SMG1: variants seen among roughly 807,000 people sequenced by gnomAD.
The protein encoded by SMG1 is serine/threonine-protein kinase SMG1.
SMG1 carries 22 observed loss-of-function variants against 419.9 expected under a neutral mutation model. That is an observed-to-expected ratio of 0.05 (90% CI 0.04 to 0.07). The LOEUF (loss-of-function observed/expected upper bound fraction) is 0.07, where lower values mean the gene tolerates loss of function less well. SMG1 is among the 10% of genes least tolerant of loss of function. The probability of loss-of-function intolerance (pLI) is 1.00; values close to 1 mark genes in which losing one functional copy is unlikely to be tolerated. For synonymous variants in SMG1, 1,538 were observed against 1,553.5 expected (o/e 0.99, Z 0.23); for missense variants, 3,185 against 4,342.0 (o/e 0.73, Z 7.49).
chr16:18,819,462 T>C (rs758938298), intron 56 of SMG1, 40 bp downstream of exon 56: 106 of 1,594,224 alleles, frequency 6.6e-5, no homozygotes, highest in Non-Finnish European at 8.3e-5. Flanking sequence ...TCTAATCCTG[T>C]AAAAGTGAAT....
chr16:18,836,544 G>T lies in SMG1; in HGVS notation c.7605-12C>A. The T allele has an allele frequency of 6.2e-7, 1 of 1,609,754 alleles. No homozygotes were observed. Among genetic ancestry groups the T allele is most frequent in the South Asian group, 1.1e-5 (1 of 90,238 alleles). On this transcript the variant is annotated splice_polypyrimidine_tract_variant and intron_variant, in intron 46 of 62. Coordinates refer to ENST00000446231, the MANE Select transcript of SMG1 (RefSeq NM_015092.5). ...TGTGCTCAGAATACCTAATCAGGGG[G>T]ACACAAACAAAATCAAAAGATTTAT...
At chr16:18,888,011 C>T (rs901058482) in intron 6 of SMG1, among the ~76,000 whole-genome samples, 5 of 150,870 alleles carry the variant, frequency 3.3e-5, no homozygotes, top group Non-Finnish European at 5.9e-5. Context: ...ATCAAAAATA[C>T]AAAACTTAGC....
chr16:18,840,744 C>T (rs747394523), intron 41 of SMG1, among the ~76,000 whole-genome samples: 1 of 152,010 alleles, frequency 6.6e-6, no homozygotes, highest in African/African-American at 2.4e-5. Context: ...GGTTTTAAAG[C>T]GATTATTTAC....
chr16:18,885,439 T>G, intron 7 of SMG1, 102 bp downstream of exon 7: 1 of 1,419,010 alleles, frequency 7.0e-7, no homozygotes, highest in South Asian at 1.2e-5. Flanking sequence ...CTGATTATAT[T>G]CAAAGGAGCT....
At chr16:18,815,819 T>C (rs1024582116) in intron 58 of SMG1, 168 bp from the exon 59 acceptor site, 8 of 592,364 alleles carry the variant, frequency 1.4e-5, no homozygotes, top group Non-Finnish European at 2.3e-5. Flanking sequence ...CAAATAAAAA[T>C]TCAAAGTAAA....
intron 1 of SMG1, among the ~76,000 whole-genome samples, chr16:18,900,884 T>C (rs1488694947): frequency 1.3e-5 from 2 of 152,210 alleles, no homozygotes; most frequent in Non-Finnish European, 2.9e-5. Context: ...TAATGCCTCT[T>C]ACCTGGATTC....
intron 1 of SMG1, among the ~76,000 whole-genome samples, chr16:18,914,943 T>A (rs1045767208): frequency 1.3e-4 from 16 of 124,356 alleles, no homozygotes; most frequent in East Asian, 6.1e-4. Context: ...ATTACCATAT[T>A]TTTTTTTTTT....
chr16:18,859,764 T>A, intron 26 of SMG1, 61 bp from the exon 27 acceptor site: 1 of 1,401,266 alleles, frequency 7.1e-7, no homozygotes, highest in Non-Finnish European at 9.7e-7. Context: ...TTTTGATTTA[T>A]GTTTGGCATT....
intron 62 of SMG1, among the ~76,000 whole-genome samples, chr16:18,810,365 G>A (rs746028678): frequency 1.6e-4 from 25 of 152,178 alleles, no homozygotes; most frequent in Non-Finnish European, 3.1e-4. Context: ...GGCACATTCT[G>A]TAAACCAACT....
rs189611295 is a variant in SMG1, at chr16:18,870,446, C to A, written c.2492+164G>T. On this transcript the variant is annotated intron_variant, in intron 18 of 62. Coordinates refer to ENST00000446231, the MANE Select transcript of SMG1 (RefSeq NM_015092.5). Reference sequence around the variant, plus strand: ...TAAAAATTTTTAATTTTCTTGCAGACCTGCAAAATTCGATTATTTGACATC... The same window carrying A: ...TAAAAATTTTTAATTTTCTTGCAGAACTGCAAAATTCGATTATTTGACATC... Among the ~76,000 whole-genome samples, 189 of 152,268 alleles carry A rather than the reference C, an allele frequency of 1.2e-3. 2 individuals are homozygous for A. Among genetic ancestry groups the A allele is most frequent in the Non-Finnish European group, 1.5e-4 (10 of 68,026 alleles).
At chr16:18,920,688 T>A (rs914523481) in intron 1 of SMG1, among the ~76,000 whole-genome samples, 1 of 150,518 alleles carries the variant, frequency 6.6e-6, no homozygotes, top group African/African-American at 2.4e-5. Context: ...CAAAAAAAAA[T>A]AAAGTAGCTG....
chr16:18,893,016 G>T (rs568718297), intron 3 of SMG1, among the ~76,000 whole-genome samples: 2 of 152,286 alleles, frequency 1.3e-5, no homozygotes, highest in South Asian at 4.1e-4. Flanking sequence ...CAGGTAAAGA[G>T]CCCGGGTGTA....
At chr16:18,881,858 C>A (rs1011681388) in intron 10 of SMG1, among the ~76,000 whole-genome samples, 5 of 151,606 alleles carry the variant, frequency 3.3e-5, no homozygotes, top group African/African-American at 1.2e-4. Flanking sequence ...AAAAGGAAAC[C>A]CAATAATTTA....
chr16:18,904,688 G>C (rs917440066), intron 1 of SMG1, among the ~76,000 whole-genome samples: 9 of 152,060 alleles, frequency 5.9e-5, no homozygotes, highest in African/African-American at 2.2e-4. Context: ...TGTAATCCCA[G>C]CACTTTGGGA....
chr16:18,816,291 A>C lies in SMG1; in HGVS notation c.10302+11T>G. 6.2e-7 allele frequency: 1 copy of C among 1,603,678 alleles called. No homozygotes were observed. The highest frequency in any genetic ancestry group is 8.5e-7 in the Non-Finnish European group (1 of 1,171,372). ...GGGAGAGTAAATGTGTGTTCATGGT[A>C]TTAGTCTTACCTTAGCCATAGCTTT... On this transcript the variant is annotated intron_variant, in intron 58 of 62. Transcript: ENST00000446231.
intron 5 of SMG1, among the ~76,000 whole-genome samples, chr16:18,890,036 A>C (rs769884919): frequency 4.6e-5 from 7 of 152,242 alleles, no homozygotes; most frequent in Non-Finnish European, 8.8e-5. Flanking sequence ...AAATAAAACC[A>C]TCAAAAGGCA....
At chr16:18,840,611 T>C (rs1210723495) in intron 41 of SMG1, among the ~76,000 whole-genome samples, 1 of 152,200 alleles carries the variant, frequency 6.6e-6, no homozygotes, top group African/African-American at 2.4e-5. Flanking sequence ...ATGGCTAAAA[T>C]ATATTCTAAA....
intron 60 of SMG1, 94 bp downstream of exon 60, chr16:18,815,081 A>T: frequency 1.3e-6 from 1 of 789,674 alleles, no homozygotes; most frequent in Non-Finnish European, 2.1e-6. Context: ...GACAGGCCTT[A>T]AGTGTTTAAT....
At chr16:18,910,563 CTA>C (rs2037753675) in intron 1 of SMG1, among the ~76,000 whole-genome samples, 1 of 151,918 alleles carries the variant, frequency 6.6e-6, no homozygotes, top group Admixed American at 6.6e-5. Flanking sequence ...CGAGGTCTCA[CTA>C]TGTTACCCAG....
Sources: allele counts gnomAD v4.1 joint callset (sites outside exome capture counted in the v4.1 genomes callset), GRCh38; gene constraint gnomAD v4.1.1; transcripts MANE v1.5; gene names NCBI Gene and HGNC (gene_info 2026-07-23, HGNC 2026-07-21).